The following PASK variants were observed in gnomAD, a reference collection of about 807,000 sequenced individuals.
PASK encodes the protein PAS domain containing serine/threonine kinase.
Under a neutral mutation model 121.0 loss-of-function variants are expected in PASK, and 110 were observed. The observed-to-expected ratio is 0.91, with a 90% confidence interval of 0.78 to 1.06. PASK has a LOEUF of 1.06. Ranked by LOEUF, PASK falls within the 50% of genes least tolerant of loss-of-function variation. PASK has a pLI of 0.00. For missense variants in PASK, 1,643 were observed against 1,702.3 expected (o/e 0.97, Z 0.61); for synonymous variants, 686 against 717.8 (o/e 0.96, Z 0.71).
At position 241,108,043 on chromosome 2, in the gene PASK, G is replaced by T. The variant is rs535513035; in HGVS notation, c.3667+124C>A. 6.6e-5 allele frequency: 64 copies of T among 963,696 alleles called. No homozygotes were observed. The African/African-American group carries it at 9.0e-4, about 14-fold the overall frequency. The allele number at this position is 963,696 out of a possible 1,614,324, so 59.7% of individuals were successfully genotyped here. On this transcript the variant is annotated intron_variant, in intron 16 of 17. Transcript: ENST00000234040. This position sits in a 1 kb window ranked among gnomAD's most constrained non-coding sequence, Gnocchi z 5.2. ...TCATATGCAAATTATTTGATGAATA[G>T]AAAAGAAACAAATGAGACTGTTGAT...
At position 241,143,024 on chromosome 2, in the gene PASK, G is replaced by T; in HGVS notation, c.9C>A (p.Asp3Glu). 1 of 1,613,324 alleles carries T rather than the reference G, an allele frequency of 6.2e-7. No individual in the cohort carries two copies. Among genetic ancestry groups the T allele is most frequent in the Non-Finnish European group, 8.5e-7 (1 of 1,179,512 alleles). The change falls in exon 2 of 18, where the codon GAC becomes GAA. Residue 3 changes from aspartate (D) to glutamate (E), a missense_variant. By Grantham distance (45) the Asp-to-Glu change is conservative (BLOSUM62 2). This residue lies in a region of PASK where 1,176 missense variants were observed against 1,162.2 expected (regional missense o/e 1.01). Coordinates refer to ENST00000234040, the MANE Select transcript of PASK (RefSeq NM_015148.4). ...CCTCTTCAAAGGCTGTTAAGCCCCC[G>T]TCCTCCATGGGAAGAAGGGAGGCCA... Reference protein sequence around the residue: MEDGGLTAFEEDQ... With the variant: MEEGGLTAFEEDQ...
At chr2:241,142,804 G>A (rs769081700) in intron 2 of PASK, 33 bp downstream of exon 2, 15 of 1,478,308 alleles carry the variant, frequency 1.0e-5, no homozygotes, top group Admixed American at 8.4e-5. Context: ...GTATTTCCAC[G>A]CGCTAAGGCC....
intron 6 of PASK, 58 bp downstream of exon 6, chr2:241,137,895 T>C (rs890573448): frequency 1.0e-5 from 16 of 1,594,572 alleles, no homozygotes; most frequent in South Asian, 6.6e-5. Flanking sequence ...TCTCCAGTTA[T>C]GGATTCAGAG....
At chr2:241,137,503 C>A (rs2066493326) in intron 6 of PASK, among the ~76,000 whole-genome samples, 1 of 148,310 alleles carries the variant, frequency 6.7e-6, no homozygotes, top group African/African-American at 2.4e-5. Flanking sequence ...AACCCCAGGG[C>A]AAGTGAGACA....
chr2:241,129,258 C>T (rs1216337341), intron 9 of PASK, among the ~76,000 whole-genome samples: 1 of 152,208 alleles, frequency 6.6e-6, no homozygotes, highest in African/African-American at 2.4e-5. Context: ...CCCTGGGCAG[C>T]ACTGCATCTT....
At position 241,126,846 on chromosome 2, in the gene PASK, A is replaced by T; in HGVS notation, c.2069T>A (p.Val690Asp). The change falls in exon 10 of 18, where the codon GTC (valine) becomes GAC (aspartate). Residue 690 changes from valine (V) to aspartate (D), a missense_variant. By Grantham distance (152) the Val-to-Asp change is radical (BLOSUM62 -3). Around this residue, in one of 3 missense-constraint regions of PASK, gnomAD observed 1,176 missense variants for 1,162.2 expected, o/e 1.01. Coordinates refer to ENST00000234040, the MANE Select transcript of PASK (RefSeq NM_015148.4). ...ATCGCAGGACGACACAGGAGCGGTG[A>T]CAGCCTGGCACTCTGTCGGAACGAG... is the stretch of plus-strand genomic sequence containing the variant. Reference protein sequence around the residue: ...AELVPTECQAVTAPVSSCDLG... With the variant: ...AELVPTECQADTAPVSSCDLG... The T allele has an allele frequency of 6.2e-7, 1 of 1,612,508 alleles. No homozygotes were observed. Among genetic ancestry groups the T allele is most frequent in the Non-Finnish European group, 8.5e-7 (1 of 1,178,766 alleles).
rs753071648 is a variant in PASK, at chr2:241,106,706, C to A, written c.3832G>T (p.Ala1278Ser). 23 of 1,614,136 alleles carry A rather than the reference C, an allele frequency of 1.4e-5. No individual in the cohort carries two copies. Among genetic ancestry groups the A allele is most frequent in the Non-Finnish European group, 1.8e-5 (21 of 1,179,970 alleles). ...VNKPESGVLSAASLEMGNRSL... is the reference protein window; with the variant it reads ...VNKPESGVLSSASLEMGNRSL... ...CTGTTCCCCATCTCCAGGCTCGCAG[C>A]GGACAGAACTCCACTTTCTGAAGAA... is the stretch of plus-strand genomic sequence containing the variant. The change falls in exon 18 of 18, where the codon GCT (alanine) becomes TCT (serine). Residue 1278 changes from alanine (A) to serine (S), a missense_variant. Ala to Ser is a moderately conservative substitution (Grantham distance 99, BLOSUM62 1). This residue lies in a region of PASK where 453 missense variants were observed against 511.2 expected (regional missense o/e 0.89). Coordinates refer to ENST00000234040, the MANE Select transcript of PASK (RefSeq NM_015148.4).
chr2:241,143,078 G>T lies in PASK; in HGVS notation c.-42-4C>A. 1 of 1,372,570 alleles carries T rather than the reference G, an allele frequency of 7.3e-7. No homozygotes were observed. The highest frequency in any genetic ancestry group is 1.0e-6 in the Non-Finnish European group (1 of 961,074). 85.0% of individuals were successfully genotyped at this position (1,372,570 alleles called of 1,614,324 possible). A position where few individuals can be genotyped will look rare whatever the true frequency, so the allele number is the denominator to read the frequency against. On this transcript the variant is annotated splice_polypyrimidine_tract_variant and splice_region_variant and intron_variant, in intron 1 of 17. Transcript: ENST00000234040. ...GCCAAGCTTCCAACTCTAACAACTA[G>T]AAAACAACATGAAGCTGATTAACAT...
chr2:241,109,549 A>C (rs1302382804), intron 15 of PASK: 1 of 77,888 alleles, frequency 1.3e-5, no homozygotes, highest in Non-Finnish European at 2.9e-5. Flanking sequence ...GAGGGAGGGG[A>C]GGGGAGGGGA....
chr2:241,139,600 A>G, intron 4 of PASK: 1 of 657,192 alleles, frequency 1.5e-6, no homozygotes, highest in Non-Finnish European at 2.9e-6. Context: ...ACATTAGTGA[A>G]GCTACAGCCC....
rs148893670 is a variant in PASK, at chr2:241,133,015, A to T, written c.1322T>A (p.Val441Asp). The T allele has an allele frequency of 7.4e-6, 12 of 1,614,034 alleles. No homozygotes were observed. The highest frequency in any genetic ancestry group is 1.0e-5 in the Non-Finnish European group (12 of 1,180,032). The change falls in exon 9 of 18, where the codon GTC (valine) becomes GAC (aspartate). Residue 441 changes from valine to aspartate, a missense_variant. By Grantham distance (152) the Val-to-Asp change is radical. Around this residue, in one of 3 missense-constraint regions of PASK, gnomAD observed 1,176 missense variants for 1,162.2 expected, o/e 1.01. Transcript: ENST00000234040. Reference protein sequence around the residue: ...AEGGQDPRINVVLAGGHVVPR... With the variant: ...AEGGQDPRINDVLAGGHVVPR... Reference sequence around the variant, plus strand: ...CACAACGTGGCCACCAGCAAGCACGACATTAATCCTTGGATCTGGCAGCAA... The same window carrying T: ...CACAACGTGGCCACCAGCAAGCACGTCATTAATCCTTGGATCTGGCAGCAA...
intron 9 of PASK, among the ~76,000 whole-genome samples, chr2:241,127,944 A>G (rs2065954923): frequency 6.6e-6 from 1 of 152,218 alleles, no homozygotes; most frequent in Non-Finnish European, 1.5e-5. Context: ...TGGCTCTCAG[A>G]TTTGGGAAAT....
intron 7 of PASK, among the ~76,000 whole-genome samples, chr2:241,136,274 T>C (rs2066428617): frequency 6.6e-6 from 1 of 152,276 alleles, no homozygotes; most frequent in Admixed American, 6.5e-5. Flanking sequence ...CTGCGGCAAG[T>C]TACAGTGACA....
chr2:241,136,061 T>C (rs764303475), intron 7 of PASK, 22 bp from the exon 8 acceptor site: 2 of 1,608,776 alleles, frequency 1.2e-6, no homozygotes, highest in African/African-American at 2.7e-5. Flanking sequence ...AGCAGGGACA[T>C]TTCAGAACCT....
intron 7 of PASK, among the ~76,000 whole-genome samples, chr2:241,136,735 C>T (rs1302782000): frequency 6.6e-6 from 1 of 152,216 alleles, no homozygotes; most frequent in Non-Finnish European, 1.5e-5. Context: ...TGTCGTAAAC[C>T]CTGGTCCATC....
intron 10 of PASK, 130 bp from the exon 11 acceptor site, chr2:241,124,263 T>A (rs1359311828): frequency 1.3e-6 from 1 of 770,228 alleles, no homozygotes; most frequent in African/African-American, 1.7e-5. Context: ...GAAAGTTCAA[T>A]CCCCAGAACA....
In PASK at chr2:241,115,384, C is replaced by T. The variant is rs753271210; in HGVS notation, c.3102G>A (p.Lys1034=). ...CCTCAATCCAACAATCCTCCAAGAC[C>T]TTCTCCTTCTTAATAAACTTCACCA... ...EVVVKFIKKE[K]VLEDCWIEDP... The change falls in exon 13 of 18, where the codon AAG becomes AAA. Residue 1034 remains lysine (K), a synonymous_variant. Transcript: ENST00000234040. 6.2e-7 allele frequency: 1 copy of T among 1,613,798 alleles called. No individual in the cohort carries two copies. Among genetic ancestry groups the T allele is most frequent in the Non-Finnish European group, 8.5e-7 (1 of 1,179,812 alleles).
intron 10 of PASK, among the ~76,000 whole-genome samples, chr2:241,125,710 G>A (rs1299516524): frequency 6.6e-6 from 1 of 152,114 alleles, no homozygotes; most frequent in Non-Finnish European, 1.5e-5. Context: ...CTCACAGAAG[G>A]GCAGGTTTTT....
Position 241,123,945 on chromosome 2 carries a change from C to G in PASK, c.2904+4G>C. ...CAGGGCAGGCATTGATTGCAAATAC[C>G]CACTTCCACCAGGCTGGGTCCGGTG... On this transcript the variant is annotated splice_donor_region_variant and intron_variant, in intron 11 of 17. Coordinates refer to ENST00000234040, the MANE Select transcript of PASK (RefSeq NM_015148.4). 1 of 1,612,788 alleles carries G rather than the reference C, an allele frequency of 6.2e-7. No homozygotes were observed. The highest frequency in any genetic ancestry group is 8.5e-7 in the Non-Finnish European group (1 of 1,179,424).
Sources: gnomAD v4.1 joint callset for allele counts (sites outside exome capture counted in the v4.1 genomes callset) on GRCh38, gnomAD v4.1.1 for gene constraint, gnomAD v4.1.1 regional missense constraint, Gnocchi (gnomAD v3.1) non-coding constraint, MANE v1.5 for transcripts, NCBI Gene and HGNC (gene_info 2026-07-23, HGNC 2026-07-21) for gene names.